The following ZC3H6 variants were observed in gnomAD, a reference collection of about 807,000 sequenced individuals.
The protein encoded by ZC3H6 is zinc finger CCCH-type containing 6, also known as zinc finger CCCH domain-containing protein 6.
Under a neutral mutation model 107.7 loss-of-function variants are expected in ZC3H6, and 40 were observed. That is an observed-to-expected ratio of 0.37 (90% CI 0.29 to 0.48). ZC3H6 has a LOEUF of 0.48. Among genes scored for constraint, ZC3H6 ranks in the 20% least tolerant of loss-of-function variants. ZC3H6 has a pLI of 0.98. For missense variants in ZC3H6, 1,267 were observed against 1,410.4 expected (o/e 0.90, Z 1.63); for synonymous variants, 493 against 487.9 (o/e 1.01, Z -0.14).
At position 112,338,845 on chromosome 2, in the gene ZC3H6, GTA is replaced by G. The variant is rs1677184635; in HGVS notation, c.*6361_*6362del. 2.8e-5 allele frequency: 2 copies of G among 70,720 alleles called. No individual in the cohort carries two copies. Among genetic ancestry groups the G allele is most frequent in the Non-Finnish European group, 5.7e-5 (2 of 35,074 alleles). 4.4% of individuals were successfully genotyped at this position (70,720 alleles called of 1,614,324 possible). The stretch of plus-strand genomic sequence containing the variant: ...AATGATAGACTATATATATATGTAT[GTA>G]TATGTGTGTATATATATATATATAT... On this transcript the variant is annotated 3_prime_UTR_variant, in exon 12 of 12. Transcript: ENST00000409871.
At chr2:112,304,905 A>G (rs976174280) in intron 3 of ZC3H6, among the ~76,000 whole-genome samples, 1 of 152,188 alleles carries the variant, frequency 6.6e-6, no homozygotes, top group African/African-American at 2.4e-5. Flanking sequence ...CCGCCTTTAT[A>G]GTTGAGATTG....
chr2:112,279,569 G>A (rs574886044), intron 1 of ZC3H6, among the ~76,000 whole-genome samples: 1 of 151,846 alleles, frequency 6.6e-6, no homozygotes, highest in Admixed American at 6.6e-5. Flanking sequence ...CCCTTCCCTC[G>A]CAGCTTTCTG....
Position 112,331,057 on chromosome 2 carries a change from C to T in ZC3H6, c.2139C>T (p.Val713=), listed in dbSNP as rs1378466632. Residue 713 remains valine, a synonymous_variant, in exon 12 of 12, where the codon GTC becomes GTT. Transcript: ENST00000409871. ...SSSEEEEGSS[V]KSILKTLQKQ... ...GTGAAGAGGAAGAAGGAAGCAGTGTCAAATCAATACTGAAAACATTACAGA... is the reference window on the plus strand; with the variant it reads ...GTGAAGAGGAAGAAGGAAGCAGTGTTAAATCAATACTGAAAACATTACAGA... 7.0e-6 allele frequency: 11 copies of T among 1,577,330 alleles called. No individual in the cohort carries two copies. The African/African-American group carries it at 1.5e-4, about 21-fold the overall frequency.
chr2:112,303,113 C>G, intron 2 of ZC3H6, 116 bp from the exon 3 acceptor site: 3 of 1,326,142 alleles, frequency 2.3e-6, no homozygotes, highest in Non-Finnish European at 3.1e-6. Context: ...TTCAGAGTCT[C>G]CTGGAATAAT....
intron 1 of ZC3H6, among the ~76,000 whole-genome samples, chr2:112,287,528 T>TC (rs1376539905): frequency 6.6e-6 from 1 of 152,204 alleles, no homozygotes; most frequent in Non-Finnish European, 1.5e-5. Context: ...CAGCACTACT[T>TC]CCATCTTGCA....
rs1677181978 is a variant in ZC3H6, at chr2:112,338,788, A to G, written c.*6300A>G. 6.7e-6 allele frequency: 1 copy of G among 148,216 alleles called. No individual in the cohort carries two copies. Among genetic ancestry groups the G allele is most frequent in the Non-Finnish European group, 1.5e-5 (1 of 66,964 alleles). The allele number at this position is 148,216 out of a possible 1,614,324, so 9.2% of individuals were successfully genotyped here. ...AATTAAAAAATAACCATATTCTCAA[A>G]CCTCCATTACCACTAATATCTTGGG... On this transcript the variant is annotated 3_prime_UTR_variant, in exon 12 of 12. Transcript: ENST00000409871.
At chr2:112,310,553 T>A (rs1676574501) in intron 4 of ZC3H6, among the ~76,000 whole-genome samples, 1 of 152,222 alleles carries the variant, frequency 6.6e-6, no homozygotes, top group Non-Finnish European at 1.5e-5. Context: ...GCTAAGCAAG[T>A]GTGCATGGAC....
chr2:112,311,700 C>A, intron 4 of ZC3H6, 104 bp from the exon 5 acceptor site: 1 of 930,402 alleles, frequency 1.1e-6, no homozygotes, highest in Non-Finnish European at 1.5e-6. Context: ...AAAAAGAATG[C>A]ACTGTATATT....
Position 112,320,463 on chromosome 2 carries a change from T to C in ZC3H6, c.977-1293T>C, listed in dbSNP as rs550554376. 1.8e-3 allele frequency among the ~76,000 whole-genome samples: 276 copies of C among 152,284 alleles called. 3 individuals carry two copies. The highest frequency in any genetic ancestry group is 0.01 in the Middle Eastern group (3 of 294). ...TCTGCTTCTATACTACTCTTATCTA[T>C]TGTGGTATTTGATTATTCACCTCTG... is the stretch of plus-strand genomic sequence containing the variant. On this transcript the variant is annotated intron_variant, in intron 7 of 11. Coordinates refer to ENST00000409871, the MANE Select transcript of ZC3H6 (RefSeq NM_198581.3).
chr2:112,337,640 T>C lies in ZC3H6; in HGVS notation c.*5152T>C, dbSNP rs1677156620. The C allele has an allele frequency of 6.6e-6, 1 of 151,826 alleles. No homozygotes were observed. The highest frequency in any genetic ancestry group is 6.6e-5 in the Admixed American group (1 of 15,252). 9.4% of individuals were successfully genotyped at this position (151,826 alleles called of 1,614,324 possible). The stretch of plus-strand genomic sequence containing the variant: ...CTCAGCCTGTTTTTTATTTATTTTT[T>C]TGAGACAGTCTCACTTTGTCGCTCA... On this transcript the variant is annotated 3_prime_UTR_variant, in exon 12 of 12. Transcript: ENST00000409871.
chr2:112,332,847 G>C lies in ZC3H6; in HGVS notation c.*359G>C, dbSNP rs1475999860. Reference sequence around the variant, plus strand: ...TTTTTATATGGTTGTTTAGTTTCAAGCAATATGATGTACATTACTTTTGAG... The same window carrying C: ...TTTTTATATGGTTGTTTAGTTTCAACCAATATGATGTACATTACTTTTGAG... On this transcript the variant is annotated 3_prime_UTR_variant, in exon 12 of 12. Transcript: ENST00000409871. 1 of 166,288 alleles carries C rather than the reference G, an allele frequency of 6.0e-6. No homozygotes were observed. Among genetic ancestry groups the C allele is most frequent in the Non-Finnish European group, 1.3e-5 (1 of 76,756 alleles). 10.3% of individuals were successfully genotyped at this position (166,288 alleles called of 1,614,324 possible). A position where few individuals can be genotyped will look rare whatever the true frequency, so the allele number is the denominator to read the frequency against.
chr2:112,284,871 A>T (rs887547012), intron 1 of ZC3H6, among the ~76,000 whole-genome samples: 15 of 152,160 alleles, frequency 9.9e-5, no homozygotes, highest in African/African-American at 3.4e-4. Flanking sequence ...GAATTCCCAA[A>T]TAAGATTTTC....
intron 3 of ZC3H6, among the ~76,000 whole-genome samples, chr2:112,303,849 G>A (rs1368151278): frequency 6.6e-6 from 1 of 152,122 alleles, no homozygotes. Context: ...TGTGAATCAT[G>A]CTGCTTATGA....
chr2:112,310,402 A>G (rs1364113241), intron 4 of ZC3H6, among the ~76,000 whole-genome samples: 1 of 152,234 alleles, frequency 6.6e-6, no homozygotes, highest in Non-Finnish European at 1.5e-5. Flanking sequence ...TAAAAATGCA[A>G]TACAACTTTC....
intron 1 of ZC3H6, among the ~76,000 whole-genome samples, chr2:112,276,277 A>AGCCCCCC (rs1209787535): frequency 1.3e-5 from 2 of 148,368 alleles, no homozygotes; most frequent in African/African-American, 2.5e-5. Flanking sequence ...GGCACGTGCG[A>AGCCCCCC]GCCCCCCGCC....
chr2:112,316,496 G>A lies in ZC3H6; in HGVS notation c.774G>A (p.Lys258=), dbSNP rs763944119. ...QEYNKPGKKW[K]VMTQEFINQH... ...ATAATAAACCAGGGAAAAAATGGAA[G>A]GTTATGACTCAGGAATTTATTAATC... The change falls in exon 6 of 12, where the codon AAG becomes AAA. Residue 258 remains lysine, a synonymous_variant. Coordinates refer to ENST00000409871, the MANE Select transcript of ZC3H6 (RefSeq NM_198581.3). 8.8e-5 allele frequency: 141 copies of A among 1,607,374 alleles called. No homozygotes were observed. The highest frequency in any genetic ancestry group is 1.2e-4 in the Non-Finnish European group (140 of 1,177,672).
At chr2:112,300,691 T>G (rs1000162154) in intron 2 of ZC3H6, among the ~76,000 whole-genome samples, 17 of 152,272 alleles carry the variant, frequency 1.1e-4, no homozygotes, top group African/African-American at 4.1e-4. Flanking sequence ...ATGGAAACCT[T>G]TATGCTGTAT....
intron 8 of ZC3H6, among the ~76,000 whole-genome samples, chr2:112,322,193 TTC>T (rs141687815): frequency 1.3e-4 from 19 of 147,954 alleles, no homozygotes; most frequent in East Asian, 2.0e-4. Context: ...TCTTTCTTAT[TTC>T]TCTCTCTCTC....
chr2:112,294,209 A>G (rs939034612), intron 1 of ZC3H6, among the ~76,000 whole-genome samples: 2 of 149,346 alleles, frequency 1.3e-5, no homozygotes, highest in Admixed American at 6.7e-5. Flanking sequence ...TAAGTAGCCT[A>G]TGTGGAGGCA....
Sources: allele counts gnomAD v4.1 joint callset (sites outside exome capture counted in the v4.1 genomes callset), GRCh38; gene constraint gnomAD v4.1.1; transcripts MANE v1.5; gene names NCBI Gene and HGNC (gene_info 2026-07-23, HGNC 2026-07-21).